NBEA: variants seen among roughly 807,000 people sequenced by gnomAD.
NBEA encodes neurobeachin, also known as lysosomal-trafficking regulator 2.
NBEA carries 44 observed loss-of-function variants against 343.4 expected under a neutral mutation model. The observed-to-expected ratio is 0.13, with a 90% CI of 0.10 to 0.16. NBEA has a LOEUF of 0.16. NBEA is among the 10% of genes least tolerant of loss of function. NBEA has a pLI of 1.00. For synonymous variants in NBEA, 1,175 were observed against 1,238.7 expected (o/e 0.95, Z 1.08); for missense variants, 2,555 against 3,631.3 (o/e 0.70, Z 7.62).
intron 35 of NBEA, among the ~76,000 whole-genome samples, chr13:35,309,184 A>G (rs2037194141): frequency 6.6e-6 from 1 of 151,942 alleles, no homozygotes; most frequent in African/African-American, 2.4e-5. Context: ...TTTCTATCCC[A>G]AATATTTCTA....
intron 41 of NBEA, among the ~76,000 whole-genome samples, chr13:35,485,925 G>A (rs1176425293): frequency 6.6e-6 from 1 of 151,958 alleles, no homozygotes; most frequent in Non-Finnish European, 1.5e-5. Context: ...AGAAACTCTG[G>A]GTAAGACATA....
intron 52 of NBEA, among the ~76,000 whole-genome samples, chr13:35,651,488 G>C (rs1053187518): frequency 4.6e-5 from 7 of 151,890 alleles, no homozygotes; most frequent in Admixed American, 3.9e-4. Context: ...TTGATTTCAG[G>C]CTCATTGATT....
intron 46 of NBEA, among the ~76,000 whole-genome samples, chr13:35,589,703 G>A (rs2081441928): frequency 6.6e-6 from 1 of 152,086 alleles, no homozygotes; most frequent in Admixed American, 6.6e-5. Flanking sequence ...TGCCCACGAT[G>A]GAATTAGTTG....
At chr13:35,114,607 G>A (rs1042265743) in intron 13 of NBEA, among the ~76,000 whole-genome samples, 1 of 152,014 alleles carries the variant, frequency 6.6e-6, no homozygotes, top group Admixed American at 6.6e-5. Flanking sequence ...GGCTCTGTAA[G>A]ACCCTGGGTA....
At chr13:34,978,869 T>C (rs1262858372) in intron 1 of NBEA, among the ~76,000 whole-genome samples, 1 of 152,230 alleles carries the variant, frequency 6.6e-6, no homozygotes, top group East Asian at 1.9e-4. Context: ...CTTCTACTCA[T>C]GGAACTCTAG....
At chr13:35,506,324 C>G (rs922206287) in intron 41 of NBEA, among the ~76,000 whole-genome samples, 8 of 152,184 alleles carry the variant, frequency 5.3e-5, no homozygotes, top group Non-Finnish European at 8.8e-5. Flanking sequence ...GTGCCTTGGC[C>G]TCTCATAGAA....
At chr13:35,318,763 A>T (rs1180680832) in intron 36 of NBEA, among the ~76,000 whole-genome samples, 1 of 152,048 alleles carries the variant, frequency 6.6e-6, no homozygotes, top group African/African-American at 2.4e-5. Flanking sequence ...GTAGGCTATT[A>T]CGGCTTCAAT....
At position 35,164,344 on chromosome 13, in the gene NBEA, T is replaced by C; in HGVS notation, c.4080-12T>C. On this transcript the variant is annotated splice_polypyrimidine_tract_variant and intron_variant, in intron 23 of 58. Transcript: ENST00000379939. Reference sequence around the variant, plus strand: ...AGCCAAAACATACTCATTTCTGTTTTCTGTATTTTAGCCATTCTACAAAGT... The same window carrying C: ...AGCCAAAACATACTCATTTCTGTTTCCTGTATTTTAGCCATTCTACAAAGT... The C allele has an allele frequency of 2.6e-6, 4 of 1,564,048 alleles. No homozygotes were observed. The highest frequency in any genetic ancestry group is 3.5e-6 in the Non-Finnish European group (4 of 1,153,206).
chr13:35,317,321 T>A (rs1465487038), intron 36 of NBEA, among the ~76,000 whole-genome samples: 2 of 152,212 alleles, frequency 1.3e-5, no homozygotes, highest in Non-Finnish European at 2.9e-5. Flanking sequence ...TTTCTGCCTC[T>A]GGCTAGCCAG....
chr13:34,991,975 T>G (rs748078943), intron 1 of NBEA, among the ~76,000 whole-genome samples: 3 of 128,672 alleles, frequency 2.3e-5, no homozygotes, highest in East Asian at 4.0e-4. Context: ...CTTATGGTTG[T>G]TTTTTTTTTT....
intron 55 of NBEA, among the ~76,000 whole-genome samples, chr13:35,664,144 T>C (rs2085237913): frequency 6.6e-6 from 1 of 152,140 alleles, no homozygotes; most frequent in Non-Finnish European, 1.5e-5. Flanking sequence ...GCAGTCCAGC[T>C]AGCCAGCACC....
At chr13:35,076,954 A>G (rs1394429962) in intron 10 of NBEA, among the ~76,000 whole-genome samples, 2 of 152,056 alleles carry the variant, frequency 1.3e-5, no homozygotes, top group South Asian at 2.1e-4. Flanking sequence ...ATTTGCCTTT[A>G]TAAAGAGTAT....
intron 1 of NBEA, among the ~76,000 whole-genome samples, chr13:35,019,423 G>A (rs549978152): frequency 2.0e-5 from 3 of 151,674 alleles, no homozygotes; most frequent in East Asian, 1.9e-4. Flanking sequence ...TCAGGCTCCC[G>A]AGTAGCTGGG....
At chr13:35,437,897 T>C (rs961923931) in intron 39 of NBEA, among the ~76,000 whole-genome samples, 1 of 152,280 alleles carries the variant, frequency 6.6e-6, no homozygotes, top group East Asian at 1.9e-4. Flanking sequence ...CATGTCAATA[T>C]TGTAGTTGTC....
chr13:35,229,699 T>C (rs189344213), intron 33 of NBEA, among the ~76,000 whole-genome samples: 2 of 152,266 alleles, frequency 1.3e-5, no homozygotes, highest in Admixed American at 1.3e-4. Context: ...ATAGCCACAA[T>C]ATGTCTTTTT....
intron 44 of NBEA, among the ~76,000 whole-genome samples, chr13:35,560,236 C>T (rs2079798592): frequency 6.6e-6 from 1 of 152,180 alleles, no homozygotes; most frequent in Admixed American, 6.5e-5. Context: ...TCAGTTACTA[C>T]AGCGTACTGT....
At chr13:35,604,135 A>T (rs1350636724) in intron 47 of NBEA, among the ~76,000 whole-genome samples, 1 of 152,196 alleles carries the variant, frequency 6.6e-6, no homozygotes, top group Non-Finnish European at 1.5e-5. Context: ...AACTCATGAT[A>T]GTCATTGCTG....
chr13:35,274,065 A>G (rs559734570), intron 34 of NBEA, among the ~76,000 whole-genome samples: 20 of 151,974 alleles, frequency 1.3e-4, no homozygotes, highest in African/African-American at 4.8e-4. Flanking sequence ...ACAACAAAAA[A>G]AGAATTTTAG....
At chr13:35,166,733 G>A (rs1332564540) in intron 24 of NBEA, among the ~76,000 whole-genome samples, 1 of 151,928 alleles carries the variant, frequency 6.6e-6, no homozygotes, top group Non-Finnish European at 1.5e-5. Context: ...TGTTGTTTTT[G>A]TATTACTGGG....
Sources: allele counts gnomAD v4.1 joint callset (sites outside exome capture counted in the v4.1 genomes callset), GRCh38; gene constraint gnomAD v4.1.1; transcripts MANE v1.5; gene names NCBI Gene and HGNC (gene_info 2026-07-23, HGNC 2026-07-21).